The following FBXO31 variants were observed in gnomAD, a reference collection of about 807,000 sequenced individuals.
FBXO31 encodes the protein F-box protein 31, also known as F-box only protein 31.
In FBXO31, 24 loss-of-function variants were observed where a neutral mutation model predicts 54.4. That is an observed-to-expected ratio of 0.44 (90% CI 0.32 to 0.62). The LOEUF (loss-of-function observed/expected upper bound fraction) is 0.62, where lower values mean the gene tolerates loss of function less well. FBXO31 is among the 20% of genes least tolerant of loss of function. The pLI, the probability that FBXO31 is intolerant of heterozygous loss-of-function variation, is 0.05. For missense variants in FBXO31, 665 were observed against 787.1 expected (o/e 0.84, Z 1.86); for synonymous variants, 388 against 335.6 (o/e 1.16, Z -1.71).
chr16:87,374,179 T>C (rs1330662676), intron 1 of FBXO31, among the ~76,000 whole-genome samples: 4 of 151,900 alleles, frequency 2.6e-5, no homozygotes, highest in Non-Finnish European at 5.9e-5. Flanking sequence ...GAGGTCAAAG[T>C]TGCCGTGAGC....
At chr16:87,352,418 G>C (rs957179915) in intron 2 of FBXO31, among the ~76,000 whole-genome samples, 4 of 151,954 alleles carry the variant, frequency 2.6e-5, no homozygotes, top group African/African-American at 7.3e-5. Context: ...AGACTTGTAA[G>C]ATTTTAACCC....
rs768716717 is a variant in FBXO31, at chr16:87,329,749, T to C, written c.*1539A>G. On this transcript the variant is annotated 3_prime_UTR_variant, in exon 9 of 9. Transcript: ENST00000311635. ...AGGGCGCTTTCTCCACTGGCTTTTC[T>C]CGTGAGTCTTTCTCCCAGGCCGGCC... The C allele has an allele frequency of 7.9e-5, 12 of 152,262 alleles. No homozygotes were observed. The highest frequency in any genetic ancestry group is 1.6e-4 in the Non-Finnish European group (11 of 68,050). The allele number at this position is 152,262 out of a possible 1,614,324, so 9.4% of individuals were successfully genotyped here. A position where few individuals can be genotyped will look rare whatever the true frequency, so the allele number is the denominator to read the frequency against.
chr16:87,377,261 G>A (rs552608709), intron 1 of FBXO31, among the ~76,000 whole-genome samples: 5 of 152,074 alleles, frequency 3.3e-5, no homozygotes, highest in Admixed American at 6.5e-5. Context: ...CCTGGGCAAC[G>A]TGGTAAAAAT....
chr16:87,347,124 G>T, intron 3 of FBXO31, 50 bp downstream of exon 3: 1 of 1,520,234 alleles, frequency 6.6e-7, no homozygotes, highest in South Asian at 1.1e-5. Flanking sequence ...TCCACGTAAG[G>T]CACCACTCCT....
Position 87,383,712 on chromosome 16 carries a change from G to T in FBXO31, c.33C>A (p.Gly11=). MAVCARLCGV[G]PSRGCRRRQQ... ...GGCGGCGCCGACATCCGCGCGACGG[G>T]CCCACGCCGCAAAGGCGAGCACACA... The change falls in exon 1 of 9, where the codon GGC becomes GGA. Residue 11 remains glycine, a synonymous_variant. Transcript: ENST00000311635. This position sits in a 1 kb window ranked among gnomAD's most constrained non-coding sequence, Gnocchi z 4.9. The T allele has an allele frequency of 7.9e-7, 1 of 1,259,274 alleles. No homozygotes were observed. The highest frequency in any genetic ancestry group is 2.8e-5 in the South Asian group (1 of 35,088). 78.0% of individuals were successfully genotyped at this position (1,259,274 alleles called of 1,614,324 possible).
chr16:87,336,857 A>G lies in FBXO31; in HGVS notation c.733-593T>C, dbSNP rs1427926194. Among the ~76,000 whole-genome samples, 1 of 152,208 alleles carries G rather than the reference A, an allele frequency of 6.6e-6. No homozygotes were observed. On this transcript the variant is annotated intron_variant, in intron 5 of 8. Coordinates refer to ENST00000311635, the MANE Select transcript of FBXO31 (RefSeq NM_024735.5). This position sits in a 1 kb window ranked among gnomAD's most constrained non-coding sequence, Gnocchi z 6.5. Reference sequence around the variant, plus strand: ...CCAGTCCGCCCTGCATTCTGCCATCACATGGTGCTGAGGATATTTCGTGCT... The same window carrying G: ...CCAGTCCGCCCTGCATTCTGCCATCGCATGGTGCTGAGGATATTTCGTGCT...
chr16:87,353,586 G>A (rs552209093), intron 2 of FBXO31, among the ~76,000 whole-genome samples: 110 of 152,376 alleles, frequency 7.2e-4, no homozygotes, highest in African/African-American at 2.3e-3. Context: ...CGTGGCCAGA[G>A]CAGGAAGAGG....
In FBXO31 at chr16:87,331,312, C is replaced by A. The variant is rs941214511; in HGVS notation, c.1596G>T (p.Lys532Asn). ...GTCAGGAGGTGAGGGACTGAATGTT[C>A]TTGAGCATCTCATCGAAGGCCTGTG... Reference protein sequence around the residue: ...PSPQAFDEMLKNIQSLTS With the variant: ...PSPQAFDEMLNNIQSLTS The change falls in exon 9 of 9, where the codon AAG (lysine) becomes AAT (asparagine). Residue 532 changes from lysine (K) to asparagine (N), a missense_variant. Physicochemically the swap from Lys to Asn is moderately conservative, Grantham distance 94 (BLOSUM62 0). Transcript: ENST00000311635. The A allele has an allele frequency of 6.2e-7, 1 of 1,614,028 alleles. No homozygotes were observed. The highest frequency in any genetic ancestry group is 1.3e-5 in the African/African-American group (1 of 75,062).
At chr16:87,351,800 C>T (rs1204369102) in intron 2 of FBXO31, among the ~76,000 whole-genome samples, 9 of 152,256 alleles carry the variant, frequency 5.9e-5, no homozygotes, top group Non-Finnish European at 8.8e-5. Flanking sequence ...ACCCAGGAGG[C>T]GGAGGTTGAA....
chr16:87,353,081 G>C (rs750058641), intron 2 of FBXO31, among the ~76,000 whole-genome samples: 1 of 152,276 alleles, frequency 6.6e-6, no homozygotes, highest in East Asian at 1.9e-4. Flanking sequence ...CTCTATTTCC[G>C]TCAGCCGAGG....
chr16:87,332,428 G>C (rs953232507), intron 8 of FBXO31, among the ~76,000 whole-genome samples: 1 of 152,212 alleles, frequency 6.6e-6, no homozygotes, highest in Non-Finnish European at 1.5e-5. Flanking sequence ...GCTGTGACTC[G>C]CAAACTGGCT....
chr16:87,373,840 A>G (rs1447901376), intron 1 of FBXO31, among the ~76,000 whole-genome samples: 1 of 152,234 alleles, frequency 6.6e-6, no homozygotes, highest in African/African-American at 2.4e-5. Flanking sequence ...TTTCTTCTGC[A>G]TTCAAAAACA....
intron 1 of FBXO31, among the ~76,000 whole-genome samples, chr16:87,366,416 C>T (rs140065057): frequency 0.014 from 2,133 of 152,290 alleles, 35 homozygotes; most frequent in Admixed American, 0.02. Flanking sequence ...GCAACACCCA[C>T]GGCTGTGGTG....
intron 5 of FBXO31, among the ~76,000 whole-genome samples, chr16:87,337,596 C>A (rs972428884): frequency 3.9e-5 from 6 of 152,226 alleles, no homozygotes; most frequent in Admixed American, 2.6e-4. Flanking sequence ...ACCAACAGAG[C>A]CAGGAGCCCA....
At chr16:87,333,333 G>T (rs553393119) in intron 8 of FBXO31, among the ~76,000 whole-genome samples, 1 of 152,224 alleles carries the variant, frequency 6.6e-6, no homozygotes, top group South Asian at 2.1e-4. Flanking sequence ...GCACTGGCCC[G>T]GCACAGCAGA....
chr16:87,342,087 G>T (rs918927125), intron 5 of FBXO31, among the ~76,000 whole-genome samples: 4 of 152,146 alleles, frequency 2.6e-5, no homozygotes, highest in African/African-American at 9.7e-5. Context: ...TCCTTTTGAG[G>T]CAGGGTCTCA....
chr16:87,364,910 T>G (rs12599504), intron 1 of FBXO31, among the ~76,000 whole-genome samples: 67,911 of 145,408 alleles, frequency 0.47, 18,000 homozygotes, highest in East Asian at 1. Flanking sequence ...AGGAGGCTGA[T>G]GTGGGAAGAT....
intron 2 of FBXO31, among the ~76,000 whole-genome samples, chr16:87,349,710 A>G (rs1227297793): frequency 3.8e-5 from 3 of 79,700 alleles, no homozygotes; most frequent in Non-Finnish European, 4.3e-5. Context: ...ACTCCATCTG[A>G]AAAAAAAAAA....
intron 1 of FBXO31, among the ~76,000 whole-genome samples, chr16:87,389,311 G>C (rs549899944): frequency 6.6e-6 from 1 of 152,296 alleles, no homozygotes; most frequent in Admixed American, 6.5e-5. Flanking sequence ...GTTAGGCGTA[G>C]AAGTGTCAGC....
Sources: gnomAD v4.1 joint callset for allele counts (sites outside exome capture counted in the v4.1 genomes callset) on GRCh38, gnomAD v4.1.1 for gene constraint, Gnocchi (gnomAD v3.1) non-coding constraint, MANE v1.5 for transcripts, NCBI Gene and HGNC (gene_info 2026-07-23, HGNC 2026-07-21) for gene names.